The following CLTC variants were observed in gnomAD, a reference collection of about 807,000 sequenced individuals.
CLTC encodes the protein clathrin heavy chain 1.
Under a neutral mutation model 195.8 loss-of-function variants are expected in CLTC, and 16 were observed. The ratio of observed to expected loss-of-function variants is 0.08; its 90% confidence interval spans 0.06 to 0.12. The LOEUF (loss-of-function observed/expected upper bound fraction) is 0.12, where lower values mean the gene tolerates loss of function less well. CLTC is among the 10% of genes least tolerant of loss of function. CLTC has a pLI of 1.00. For synonymous variants in CLTC, 667 were observed against 689.4 expected (o/e 0.97, Z 0.51); for missense variants, 796 against 2,027.0 (o/e 0.39, Z 11.66).
chr17:59,648,409 T>C lies in CLTC; in HGVS notation c.681+8T>C. 1 of 1,607,798 alleles carries C rather than the reference T, an allele frequency of 6.2e-7. No homozygotes were observed. Among genetic ancestry groups the C allele is most frequent in the Non-Finnish European group, 8.5e-7 (1 of 1,176,246 alleles). Reference sequence around the variant, plus strand: ...GGCCAAGCTGGAGGGAAGGTAAGTTTTGGCTTTGGTAATTATTTTAATGAG... The same window carrying C: ...GGCCAAGCTGGAGGGAAGGTAAGTTCTGGCTTTGGTAATTATTTTAATGAG... On this transcript the variant is annotated splice_region_variant and intron_variant, in intron 4 of 31. Transcript: ENST00000269122. The surrounding 1 kb of genome is among the most constrained non-coding windows in gnomAD (Gnocchi z 4.5).
In CLTC at chr17:59,644,266, T is replaced by C. The variant is rs1255044209; in HGVS notation, c.43-10T>C. On this transcript the variant is annotated splice_polypyrimidine_tract_variant and intron_variant, in intron 1 of 31. Transcript: ENST00000269122. Reference sequence around the variant, plus strand: ...CACTTGGTAACATGGTTTCTTATTATTTTTTCTAGCTCCAGAACCTGGGTA... The same window carrying C: ...CACTTGGTAACATGGTTTCTTATTACTTTTTCTAGCTCCAGAACCTGGGTA... 7.5e-6 allele frequency: 12 copies of C among 1,610,412 alleles called. No homozygotes were observed. Among genetic ancestry groups the C allele is most frequent in the Non-Finnish European group, 1.0e-5 (12 of 1,178,476 alleles).
In CLTC at chr17:59,690,838, ACTGT is replaced by A. The variant is rs959993683; in HGVS notation, c.4903+131_4903+134del. The A allele has an allele frequency of 1.2e-5, 7 of 583,558 alleles. 1 individual carries two copies. The highest frequency in any genetic ancestry group is 9.3e-4 in the Middle Eastern group (2 of 2,158). 36.1% of individuals were successfully genotyped at this position (583,558 alleles called of 1,614,324 possible). ...GGCTTTCTAAGAAATACTGCTCTCT[ACTGT>A]CTGATTTTTTTTCTGAGAAGTCATA... On this transcript the variant is annotated intron_variant, in intron 31 of 31. Transcript: ENST00000269122.
chr17:59,620,319 T>A, intron 1 of CLTC, 146 bp downstream of exon 1: 1 of 749,704 alleles, frequency 1.3e-6, no homozygotes, highest in Non-Finnish European at 2.3e-6. Context: ...GGGCACTATC[T>A]TGGAAAGCTT....
At chr17:59,627,047 C>T (rs191523743) in intron 1 of CLTC, among the ~76,000 whole-genome samples, 7 of 139,564 alleles carry the variant, frequency 5.0e-5, no homozygotes, top group East Asian at 4.5e-4. Context: ...TACAGGCGTG[C>T]GCCACCAAAC....
intron 8 of CLTC, among the ~76,000 whole-genome samples, 168 bp downstream of exon 8, chr17:59,661,811 T>C (rs1255986507): frequency 1.3e-5 from 2 of 152,116 alleles, no homozygotes; most frequent in Non-Finnish European, 2.9e-5. Context: ...TGAAAAAATA[T>C]ATATTTTTTC....
chr17:59,664,084 T>C (rs2032669406), intron 9 of CLTC, 90 bp downstream of exon 9: 1 of 1,063,258 alleles, frequency 9.4e-7, no homozygotes, highest in African/African-American at 1.6e-5. Context: ...ACTTTAATAG[T>C]GAATTTCCTT....
chr17:59,684,058 A>G, intron 28 of CLTC, 73 bp downstream of exon 28: 1 of 970,594 alleles, frequency 1.0e-6, no homozygotes, highest in South Asian at 1.5e-5. Flanking sequence ...TAAAAAAGCC[A>G]TTATCCTTTA....
chr17:59,635,008 A>G (rs765716029), intron 1 of CLTC, among the ~76,000 whole-genome samples: 1 of 152,236 alleles, frequency 6.6e-6, no homozygotes, highest in Non-Finnish European at 1.5e-5. Flanking sequence ...AAGTTAACCA[A>G]ATCTTTAAGT....
At chr17:59,676,815 T>C in intron 16 of CLTC, 139 bp from the exon 17 acceptor site, 2 of 658,972 alleles carry the variant, frequency 3.0e-6, no homozygotes, top group Non-Finnish European at 5.2e-6. Context: ...GCCTGGACAA[T>C]GTAGCAATAC....
chr17:59,683,322 A>G lies in CLTC; in HGVS notation c.4041+60A>G. The G allele has an allele frequency of 6.2e-7, 1 of 1,602,526 alleles. No individual in the cohort carries two copies. Among genetic ancestry groups the G allele is most frequent in the African/African-American group, 1.3e-5 (1 of 74,470 alleles). ...GTAGTTAAAACTAATGCTTCAAAATATCTTATTCTTTTTAAGGCTGTTAGC... is the reference window on the plus strand; with the variant it reads ...GTAGTTAAAACTAATGCTTCAAAATGTCTTATTCTTTTTAAGGCTGTTAGC... On this transcript the variant is annotated intron_variant, in intron 25 of 31. Coordinates refer to ENST00000269122, the MANE Select transcript of CLTC (RefSeq NM_004859.4). This position sits in a 1 kb window ranked among gnomAD's most constrained non-coding sequence, Gnocchi z 6.1.
chr17:59,688,646 C>T (rs530915331), intron 30 of CLTC, among the ~76,000 whole-genome samples: 1 of 152,206 alleles, frequency 6.6e-6, no homozygotes, highest in African/African-American at 2.4e-5. Context: ...AGAATTCTTC[C>T]CCCTACGCCC....
chr17:59,684,093 A>C, intron 28 of CLTC, 108 bp downstream of exon 28: 1 of 659,220 alleles, frequency 1.5e-6, no homozygotes. Flanking sequence ...AGGTGCTTGC[A>C]TACCTAGGAT....
In CLTC at chr17:59,685,894, CT is replaced by C; in HGVS notation, c.4827+89del. The C allele has an allele frequency of 1.9e-6, 2 of 1,063,830 alleles. No individual in the cohort carries two copies. Among genetic ancestry groups the C allele is most frequent in the Non-Finnish European group, 2.7e-6 (2 of 737,040 alleles). 65.9% of individuals were successfully genotyped at this position (1,063,830 alleles called of 1,614,324 possible). A position where few individuals can be genotyped will look rare whatever the true frequency, so the allele number is the denominator to read the frequency against. On this transcript the variant is annotated intron_variant, in intron 30 of 31. Coordinates refer to ENST00000269122, the MANE Select transcript of CLTC (RefSeq NM_004859.4). This position sits in a 1 kb window ranked among gnomAD's most constrained non-coding sequence, Gnocchi z 5.0. Reference sequence around the variant, plus strand: ...CATTAATTTTTTTAAATGCTTTTTTCTTTAGTAGAAGTAAGTCATTTAGTCG... The same window carrying C: ...CATTAATTTTTTTAAATGCTTTTTTCTTAGTAGAAGTAAGTCATTTAGTCG...
intron 1 of CLTC, among the ~76,000 whole-genome samples, chr17:59,636,128 A>G (rs1189894957): frequency 6.6e-6 from 1 of 151,080 alleles, no homozygotes; most frequent in Non-Finnish European, 1.5e-5. Flanking sequence ...GAGCGAAACT[A>G]CGTCTCAAAA....
chr17:59,666,204 G>T lies in CLTC; in HGVS notation c.1746G>T (p.Thr582=). The change falls in exon 11 of 32, where the codon ACG becomes ACT. Residue 582 remains threonine, a synonymous_variant. Coordinates refer to ENST00000269122, the MANE Select transcript of CLTC (RefSeq NM_004859.4). The surrounding 1 kb of genome is among the most constrained non-coding windows in gnomAD (Gnocchi z 4.9). ...GCCCATCTGAAGGTCCTTTACAGAC[G>T]CGGTTACTTGAGATGAACCTTATGC... The part of the protein sequence containing the change: ...NNRPSEGPLQ[T]RLLEMNLMHA... The T allele has an allele frequency of 1.2e-6, 2 of 1,613,984 alleles. No homozygotes were observed. Among genetic ancestry groups the T allele is most frequent in the Non-Finnish European group, 1.7e-6 (2 of 1,179,914 alleles).
At chr17:59,691,905 A>G (rs1342358886) in intron 31 of CLTC, among the ~76,000 whole-genome samples, 1 of 152,026 alleles carries the variant, frequency 6.6e-6, no homozygotes, top group East Asian at 1.9e-4. Context: ...GATGGGTGTA[A>G]TACTTTGGGG....
chr17:59,680,600 C>T (rs531035083), intron 18 of CLTC, among the ~76,000 whole-genome samples: 2 of 151,958 alleles, frequency 1.3e-5, no homozygotes, highest in Non-Finnish European at 1.5e-5. Flanking sequence ...GACGAATTAC[C>T]GATATTTTAA....
At chr17:59,644,523 G>A in intron 2 of CLTC, 40 bp downstream of exon 2, 1 of 1,408,512 alleles carries the variant, frequency 7.1e-7, no homozygotes, top group East Asian at 2.4e-5. Flanking sequence ...CTCTTCCTAT[G>A]TTTTTGTTTT....
chr17:59,629,711 G>A (rs558345115), intron 1 of CLTC, among the ~76,000 whole-genome samples: 2 of 151,828 alleles, frequency 1.3e-5, no homozygotes, highest in South Asian at 2.1e-4. Context: ...AGTACAGATG[G>A]GATTTCACCA....
Sources: allele counts gnomAD v4.1 joint callset (sites outside exome capture counted in the v4.1 genomes callset), GRCh38; gene constraint gnomAD v4.1.1; non-coding constraint Gnocchi (gnomAD v3.1); transcripts MANE v1.5; gene names NCBI Gene and HGNC (gene_info 2026-07-23, HGNC 2026-07-21).